Variants in CADPS observed in about 807,000 individuals in gnomAD.
The protein encoded by CADPS is calcium-dependent secretion activator 1.
In CADPS, 57 loss-of-function variants were observed where a neutral mutation model predicts 167.3. The ratio of observed to expected loss-of-function variants is 0.34; its 90% CI spans 0.28 to 0.42. The LOEUF (loss-of-function observed/expected upper bound fraction) is 0.42, where lower values mean the gene tolerates loss of function less well. Among genes scored for constraint, CADPS ranks in the 20% least tolerant of loss-of-function variants. The probability of loss-of-function intolerance (pLI) is 1.00; values close to 1 mark genes in which losing one functional copy is unlikely to be tolerated. For synonymous variants in CADPS, 676 were observed against 635.3 expected (o/e 1.06, Z -0.96); for missense variants, 1,414 against 1,738.1 (o/e 0.81, Z 3.32).
intron 10 of CADPS, among the ~76,000 whole-genome samples, chr3:62,553,447 T>A (rs2077625128): frequency 6.6e-6 from 1 of 152,132 alleles, no homozygotes; most frequent in African/African-American, 2.4e-5. Context: ...CAAAGCTGGG[T>A]TGTATGTGTC....
chr3:62,550,790 A>G (rs1384859623), intron 10 of CADPS: 1 of 456,478 alleles, frequency 2.2e-6, no homozygotes, highest in Non-Finnish European at 4.4e-6. Flanking sequence ...AGTGACCTCC[A>G]CATTGCTGAA....
intron 3 of CADPS, among the ~76,000 whole-genome samples, chr3:62,722,663 T>C (rs2076036058): frequency 6.6e-6 from 1 of 152,226 alleles, no homozygotes; most frequent in Admixed American, 6.5e-5. Flanking sequence ...TCTCCAACCA[T>C]GACCAAAAAA....
At chr3:62,752,991 G>A (rs1401953511) in intron 3 of CADPS, among the ~76,000 whole-genome samples, 4 of 152,134 alleles carry the variant, frequency 2.6e-5, no homozygotes, top group Admixed American at 1.3e-4. Flanking sequence ...TACAGGTATC[G>A]GGCCTTTTGC....
intron 1 of CADPS, among the ~76,000 whole-genome samples, chr3:62,862,069 A>C (rs907239022): frequency 1.4e-4 from 22 of 152,100 alleles, no homozygotes; most frequent in Non-Finnish European, 2.9e-5. Context: ...CTAAAAAAAA[A>C]AATCCAAGAT....
At chr3:62,866,997 T>C (rs1333846476) in intron 1 of CADPS, among the ~76,000 whole-genome samples, 2 of 152,054 alleles carry the variant, frequency 1.3e-5, no homozygotes, top group Non-Finnish European at 2.9e-5. Context: ...GCATATTACC[T>C]ACTTATGCGA....
chr3:62,405,757 G>T (rs779840400), intron 28 of CADPS, among the ~76,000 whole-genome samples: 3 of 152,112 alleles, frequency 2.0e-5, no homozygotes, highest in Non-Finnish European at 4.4e-5. Flanking sequence ...TGCCCCATTG[G>T]CTACACATTT....
intron 23 of CADPS, among the ~76,000 whole-genome samples, chr3:62,477,100 G>A (rs1576559495): frequency 6.6e-6 from 1 of 152,174 alleles, no homozygotes; most frequent in South Asian, 2.1e-4. Context: ...AATTCCTGCT[G>A]AGATGCTGTT....
At chr3:62,479,871 C>A (rs2061771207) in intron 22 of CADPS, among the ~76,000 whole-genome samples, 1 of 152,196 alleles carries the variant, frequency 6.6e-6, no homozygotes, top group African/African-American at 2.4e-5. Flanking sequence ...GAAAGTTCAG[C>A]CTTCCCCCTG....
chr3:62,749,370 A>C (rs2082203238), intron 3 of CADPS, among the ~76,000 whole-genome samples: 1 of 152,218 alleles, frequency 6.6e-6, no homozygotes, highest in Non-Finnish European at 1.5e-5. Context: ...ATAAAGAGAG[A>C]GCATGGGAAC....
chr3:62,864,724 T>C (rs1362948070), intron 1 of CADPS, among the ~76,000 whole-genome samples: 1 of 152,162 alleles, frequency 6.6e-6, no homozygotes. Flanking sequence ...AGTCATATTC[T>C]GAGGCAGTGG....
chr3:62,686,675 T>C (rs1170104861), intron 3 of CADPS, among the ~76,000 whole-genome samples: 1 of 152,102 alleles, frequency 6.6e-6, no homozygotes, highest in Non-Finnish European at 1.5e-5. Context: ...TTTGCCTTTT[T>C]GAATGTCCTG....
intron 8 of CADPS, among the ~76,000 whole-genome samples, chr3:62,575,486 G>A (rs907427075): frequency 9.2e-5 from 14 of 152,142 alleles, no homozygotes; most frequent in Admixed American, 7.9e-4. Flanking sequence ...AGGGTTGTGA[G>A]GATTAAAGTA....
At chr3:62,462,022 T>C (rs554157192) in intron 26 of CADPS, among the ~76,000 whole-genome samples, 1 of 152,180 alleles carries the variant, frequency 6.6e-6, no homozygotes, top group East Asian at 1.9e-4. Context: ...GAGGAAAGCA[T>C]TGTCACTTTC....
intron 3 of CADPS, among the ~76,000 whole-genome samples, chr3:62,670,199 G>C (rs1034070478): frequency 6.6e-6 from 1 of 152,092 alleles, no homozygotes; most frequent in Non-Finnish European, 1.5e-5. Flanking sequence ...GACAGCAGGG[G>C]TTCAACACAT....
chr3:62,757,098 G>T (rs568104370), intron 2 of CADPS, among the ~76,000 whole-genome samples: 39 of 152,268 alleles, frequency 2.6e-4, no homozygotes, highest in Admixed American at 4.6e-4. Flanking sequence ...GTACGAGACC[G>T]GGTGAGTGTG....
intron 3 of CADPS, among the ~76,000 whole-genome samples, chr3:62,681,038 C>A (rs2077078646): frequency 6.6e-6 from 1 of 152,058 alleles, no homozygotes; most frequent in African/African-American, 2.4e-5. Context: ...TTTGGTGATT[C>A]CCCGACCCTG....
chr3:62,634,603 T>C (rs2065919322), intron 6 of CADPS, among the ~76,000 whole-genome samples: 2 of 152,214 alleles, frequency 1.3e-5, no homozygotes, highest in Admixed American at 1.3e-4. Context: ...CCAAGATCAC[T>C]GAGCATGCGC....
At chr3:62,479,548 G>A (rs1482282438) in intron 22 of CADPS, among the ~76,000 whole-genome samples, 1 of 152,216 alleles carries the variant, frequency 6.6e-6, no homozygotes, top group Non-Finnish European at 1.5e-5. Flanking sequence ...GTGCATAAAT[G>A]CATACACAGC....
At chr3:62,557,576 C>T in intron 9 of CADPS, 63 bp from the exon 10 acceptor site, 2 of 1,263,632 alleles carry the variant, frequency 1.6e-6, no homozygotes, top group East Asian at 2.3e-5. Context: ...AAAAACCCTC[C>T]CCCATGTTCT....
Sources: gnomAD v4.1 joint callset for allele counts (sites outside exome capture counted in the v4.1 genomes callset) on GRCh38, gnomAD v4.1.1 for gene constraint, MANE v1.5 for transcripts, NCBI Gene and HGNC (gene_info 2026-07-23, HGNC 2026-07-21) for gene names.